Variants in CUL3 observed in about 807,000 individuals in gnomAD.
The protein encoded by CUL3 is cullin 3.
Under a neutral mutation model 89.1 loss-of-function variants are expected in CUL3, and 19 were observed. The observed-to-expected ratio is 0.21, with a 90% CI of 0.15 to 0.31. CUL3 has a LOEUF of 0.31. Ranked by LOEUF, CUL3 falls within the 10% of genes least tolerant of loss-of-function variation. The pLI is 1.00. For synonymous variants in CUL3, 351 were observed against 308.4 expected (o/e 1.14, Z -1.45); for missense variants, 469 against 942.3 (o/e 0.50, Z 6.58).
intron 3 of CUL3, among the ~76,000 whole-genome samples, chr2:224,522,160 A>G (rs1292486758): frequency 1.3e-5 from 2 of 152,066 alleles, no homozygotes; most frequent in Non-Finnish European, 2.9e-5. Context: ...CACTAAGGTA[A>G]TCCTCTATTA....
intron 13 of CUL3, among the ~76,000 whole-genome samples, chr2:224,486,831 T>C (rs1042260676): frequency 6.6e-5 from 10 of 151,674 alleles, no homozygotes; most frequent in Middle Eastern, 3.4e-3. Flanking sequence ...TTCACCAAGG[T>C]TGAAATGAAG....
At chr2:224,553,276 C>T (rs1694582877) in intron 2 of CUL3, among the ~76,000 whole-genome samples, 1 of 152,188 alleles carries the variant, frequency 6.6e-6, no homozygotes, top group South Asian at 2.1e-4. Context: ...ACCTAATTCA[C>T]TGTAAATAAT....
chr2:224,500,019 G>A (rs1692317966), intron 11 of CUL3: 1 of 174,860 alleles, frequency 5.7e-6, no homozygotes, highest in Non-Finnish European at 1.2e-5. Flanking sequence ...TCCAACAATT[G>A]GAGTTAGCTG....
intron 7 of CUL3, among the ~76,000 whole-genome samples, chr2:224,506,497 G>C (rs1212729930): frequency 6.6e-6 from 1 of 152,204 alleles, no homozygotes; most frequent in African/African-American, 2.4e-5. Flanking sequence ...TTTATTCATA[G>C]TACTCCTTGA....
At chr2:224,549,688 TACA>T (rs1407481295) in intron 2 of CUL3, among the ~76,000 whole-genome samples, 3 of 152,272 alleles carry the variant, frequency 2.0e-5, no homozygotes. Flanking sequence ...TTTGTTACTC[TACA>T]ACAAGCTTAA....
intron 3 of CUL3, among the ~76,000 whole-genome samples, chr2:224,526,512 G>A (rs1693479614): frequency 6.7e-6 from 1 of 148,862 alleles, no homozygotes; most frequent in Non-Finnish European, 1.5e-5. Flanking sequence ...CTTGAACCCA[G>A]GAGGCGAAGG....
At chr2:224,567,888 T>A (rs951861463) in intron 1 of CUL3, among the ~76,000 whole-genome samples, 1 of 152,294 alleles carries the variant, frequency 6.6e-6, no homozygotes, top group Non-Finnish European at 1.5e-5. Flanking sequence ...TATGGTAGCA[T>A]AGTAGGCACA....
intron 3 of CUL3, among the ~76,000 whole-genome samples, chr2:224,530,799 C>A (rs887032346): frequency 3.3e-4 from 50 of 152,086 alleles, no homozygotes; most frequent in African/African-American, 1.1e-3. Context: ...CCTAACTACT[C>A]AGGAGGCTGA....
At chr2:224,565,671 A>T (rs1293998485) in intron 1 of CUL3, among the ~76,000 whole-genome samples, 2 of 152,174 alleles carry the variant, frequency 1.3e-5, no homozygotes, top group Non-Finnish European at 1.5e-5. Context: ...TGCTTCTTCT[A>T]CATCTTCCTC....
intron 4 of CUL3, 105 bp downstream of exon 4, chr2:224,514,507 T>A: frequency 1.0e-6 from 1 of 976,682 alleles, no homozygotes; most frequent in South Asian, 2.3e-5. Flanking sequence ...CCCAATGTGC[T>A]CAACATTCAA....
intron 14 of CUL3, among the ~76,000 whole-genome samples, chr2:224,480,836 G>T (rs1161058177): frequency 2.6e-5 from 4 of 152,188 alleles, no homozygotes; most frequent in African/African-American, 9.6e-5. Context: ...ACACTGGCTA[G>T]CACAGTTTTG....
chr2:224,550,804 C>T (rs1694484564), intron 2 of CUL3, among the ~76,000 whole-genome samples: 1 of 152,120 alleles, frequency 6.6e-6, no homozygotes, highest in Non-Finnish European at 1.5e-5. Context: ...TTCTGGATTA[C>T]TCCTTCCTGG....
chr2:224,496,809 A>G (rs1364220330), intron 12 of CUL3, among the ~76,000 whole-genome samples: 1 of 152,140 alleles, frequency 6.6e-6, no homozygotes, highest in Non-Finnish European at 1.5e-5. Context: ...TAACATATGC[A>G]TATGTTTTAA....
chr2:224,488,281 A>ATCTC (rs1691818266), intron 13 of CUL3, among the ~76,000 whole-genome samples: 1 of 152,100 alleles, frequency 6.6e-6, no homozygotes, highest in Non-Finnish European at 1.5e-5. Flanking sequence ...GAACTGAAGG[A>ATCTC]GATAAGAGAA....
intron 1 of CUL3, among the ~76,000 whole-genome samples, chr2:224,562,183 A>AT (rs1213642795): frequency 6.6e-6 from 1 of 151,920 alleles, no homozygotes; most frequent in South Asian, 2.1e-4. Context: ...TAACATAACC[A>AT]TTTTCACATA....
intron 14 of CUL3, among the ~76,000 whole-genome samples, chr2:224,481,287 A>C (rs959675091): frequency 1.3e-4 from 20 of 151,960 alleles, no homozygotes; most frequent in Non-Finnish European, 2.4e-4. Flanking sequence ...TTAAACATCA[A>C]TCAGCAAGGG....
intron 3 of CUL3, among the ~76,000 whole-genome samples, chr2:224,528,450 T>G (rs567095746): frequency 1.3e-5 from 2 of 152,286 alleles, no homozygotes; most frequent in South Asian, 4.1e-4. Context: ...ATCCATAACA[T>G]AATCACATCT....
intron 1 of CUL3, among the ~76,000 whole-genome samples, chr2:224,582,258 C>T (rs187257050): frequency 3.9e-5 from 6 of 152,306 alleles, no homozygotes; most frequent in African/African-American, 9.6e-5. Flanking sequence ...TGAGCCACTG[C>T]GCCCGGCCAT....
rs148602627 is a variant in CUL3 at position 224,533,852 on chromosome 2, G to C, written c.378+1676C>G. On this transcript the variant is annotated intron_variant, in intron 3 of 15. Coordinates refer to ENST00000264414, the MANE Select transcript of CUL3 (RefSeq NM_003590.5). ...CTTAAAAGTGAAGTGGCCTCTCCCT[G>C]ACCCCCTTGCCACTAAGCCCTTACA... Among the ~76,000 whole-genome samples the C allele has an allele frequency of 3.1e-3, 473 of 152,198 alleles. 2 individuals are homozygous for C. Among genetic ancestry groups the C allele is most frequent in the African/African-American group, 0.01 (432 of 41,496 alleles).
Sources: allele counts gnomAD v4.1 joint callset (sites outside exome capture counted in the v4.1 genomes callset), GRCh38; gene constraint gnomAD v4.1.1; transcripts MANE v1.5; gene names NCBI Gene and HGNC (gene_info 2026-07-23, HGNC 2026-07-21).